EVC2: variants seen among roughly 807,000 people sequenced by gnomAD.
The protein encoded by EVC2 is limbin.
In EVC2, 148 loss-of-function variants were observed where a neutral mutation model predicts 149.3. That is an observed-to-expected ratio of 0.99 (90% CI 0.87 to 1.14). The LOEUF (loss-of-function observed/expected upper bound fraction) is 1.14, where lower values mean the gene tolerates loss of function less well. EVC2 is among the 50% of genes most tolerant of loss of function. EVC2 has a pLI of 0.00. For synonymous variants in EVC2, 776 were observed against 649.9 expected, an observed-to-expected ratio of 1.19 and a Z score of -2.95; for missense variants, 1,854 against 1,627.3, an observed-to-expected ratio of 1.14 and a Z score of -2.40.
rs1400085114 is a variant in EVC2, at chr4:5,690,407, T to TATG, written c.519+857_519+858insCAT. 1.0e-4 allele frequency among the ~76,000 whole-genome samples: 12 copies of TATG among 120,340 alleles called. No individual in the cohort carries two copies. In the East Asian group the frequency reaches 2.2e-3, roughly 22 times the overall value. The allele number at this position is 120,340 out of a possible 152,430, so 78.9% of individuals were successfully genotyped here. A position where few individuals can be genotyped will look rare whatever the true frequency, so the allele number is the denominator to read the frequency against. ...GCCTGATTACAGTGTGGGTTGTTGT[T>TATG]TTTTTTTTTTTTTTTAATATGCCTG... is the stretch of plus-strand genomic sequence containing the variant. On this transcript the variant is annotated intron_variant, in intron 4 of 21. Transcript: ENST00000344408.
intron 14 of EVC2, among the ~76,000 whole-genome samples, chr4:5,620,213 G>C (rs557273303): frequency 2.2e-4 from 33 of 152,284 alleles, no homozygotes; most frequent in African/African-American, 7.0e-4. Flanking sequence ...CTTCCCTTGT[G>C]CAAGGCCTTT....
intron 5 of EVC2, among the ~76,000 whole-genome samples, chr4:5,687,485 C>T (rs905045959): frequency 3.3e-5 from 5 of 151,926 alleles, no homozygotes; most frequent in Admixed American, 6.6e-5. Flanking sequence ...CATGAATTCA[C>T]GTGTGGAAAG....
chr4:5,604,288 T>G (rs1336722838), intron 16 of EVC2, among the ~76,000 whole-genome samples: 1 of 152,220 alleles, frequency 6.6e-6, no homozygotes, highest in Non-Finnish European at 1.5e-5. Flanking sequence ...CATATATTGA[T>G]ATCAAAAATC....
chr4:5,629,157 A>G (rs926936891), intron 11 of EVC2, among the ~76,000 whole-genome samples: 1 of 152,216 alleles, frequency 6.6e-6, no homozygotes, highest in Admixed American at 6.5e-5. Context: ...CAGAGGAGAC[A>G]AAACCAGGAT....
At chr4:5,647,583 T>C (rs1000675588) in intron 9 of EVC2, among the ~76,000 whole-genome samples, 1 of 152,286 alleles carries the variant, frequency 6.6e-6, no homozygotes, top group Non-Finnish European at 1.5e-5. Context: ...GCAGTGTGTG[T>C]ATGGCTAAAT....
At chr4:5,641,609 T>C (rs889739205) in intron 9 of EVC2, among the ~76,000 whole-genome samples, 1 of 152,206 alleles carries the variant, frequency 6.6e-6, no homozygotes. Flanking sequence ...GTGAATTTTA[T>C]GATATGTTAA....
chr4:5,676,852 T>A (rs564269818), intron 7 of EVC2, among the ~76,000 whole-genome samples: 30 of 152,278 alleles, frequency 2.0e-4, no homozygotes, highest in African/African-American at 6.5e-4. Context: ...TCGGTCTTTT[T>A]TTTTCATGTA....
chr4:5,705,631 C>A (rs967136129), intron 1 of EVC2, among the ~76,000 whole-genome samples: 1 of 151,720 alleles, frequency 6.6e-6, no homozygotes, highest in Non-Finnish European at 1.5e-5. Context: ...TTTTTGCAAA[C>A]CTCATCTATG....
At chr4:5,592,393 G>C (rs1036075945) in intron 16 of EVC2, among the ~76,000 whole-genome samples, 17 of 152,340 alleles carry the variant, frequency 1.1e-4, no homozygotes, top group African/African-American at 4.1e-4. Flanking sequence ...ACAACCTCCA[G>C]TGGCAAAAGA....
In EVC2 at chr4:5,670,793, CCAT is replaced by C. The variant is rs1449187329; in HGVS notation, c.871-5147_871-5145del. Among the ~76,000 whole-genome samples, 10 of 152,034 alleles carry C rather than the reference CCAT, an allele frequency of 6.6e-5. No homozygotes were observed. Among genetic ancestry groups the C allele is most frequent in the African/African-American group, 2.2e-4 (9 of 41,436 alleles). On this transcript the variant is annotated intron_variant, in intron 7 of 21. Transcript: ENST00000344408. The surrounding 1 kb of genome is among the most constrained non-coding windows in gnomAD (Gnocchi z 5.2). Reference sequence around the variant, plus strand: ...ATCAAATTCATTATCACCATCACCACCATGACCACCACCACCATTACCATAGCC... The same window carrying C: ...ATCAAATTCATTATCACCATCACCACGACCACCACCACCATTACCATAGCC...
At chr4:5,646,143 C>T (rs1717693555) in intron 9 of EVC2, among the ~76,000 whole-genome samples, 1 of 152,148 alleles carries the variant, frequency 6.6e-6, no homozygotes, top group African/African-American at 2.4e-5. Flanking sequence ...GTTGGTCAGG[C>T]TGGTCTCGAA....
At chr4:5,688,301 G>A (rs1720860224) in intron 5 of EVC2, among the ~76,000 whole-genome samples, 1 of 152,128 alleles carries the variant, frequency 6.6e-6, no homozygotes, top group African/African-American at 2.4e-5. Flanking sequence ...ACGGAGGCAT[G>A]GAGTCGGTAA....
chr4:5,573,654 G>A (rs1318680048), intron 19 of EVC2, among the ~76,000 whole-genome samples: 2 of 152,242 alleles, frequency 1.3e-5, no homozygotes, highest in African/African-American at 2.4e-5. Context: ...AGAACTTTAA[G>A]GTAAGTTTGT....
chr4:5,594,065 C>T (rs979431789), intron 16 of EVC2, among the ~76,000 whole-genome samples: 61 of 152,262 alleles, frequency 4.0e-4, no homozygotes, highest in African/African-American at 1.3e-3. Flanking sequence ...CAAAGCAGCC[C>T]GGAAGCTCAA....
At chr4:5,578,732 G>A (rs1711512616) in intron 17 of EVC2, among the ~76,000 whole-genome samples, 1 of 152,026 alleles carries the variant, frequency 6.6e-6, no homozygotes, top group African/African-American at 2.4e-5. Flanking sequence ...AATAGATTGG[G>A]GGATTCAGGG....
At chr4:5,605,040 T>C (rs1038898837) in intron 16 of EVC2, among the ~76,000 whole-genome samples, 1 of 152,162 alleles carries the variant, frequency 6.6e-6, no homozygotes, top group Non-Finnish European at 1.5e-5. Context: ...ACAGTAAATA[T>C]ACTTTCTCTT....
intron 2 of EVC2, among the ~76,000 whole-genome samples, chr4:5,695,467 G>A (rs1721415788): frequency 6.6e-6 from 1 of 152,220 alleles, no homozygotes; most frequent in Admixed American, 6.5e-5. Flanking sequence ...CACTTAAAAG[G>A]TCCGGGCTGG....
At chr4:5,558,962 G>A (rs1721890075), downstream of EVC2, among the ~76,000 whole-genome samples, 1 of 152,134 alleles carries the variant, frequency 6.6e-6, no homozygotes, top group African/African-American at 2.4e-5. Flanking sequence ...CAAGACCAAG[G>A]CGGGAGGATC....
chr4:5,635,172 G>A (rs1363064685), intron 10 of EVC2, among the ~76,000 whole-genome samples: 3 of 151,660 alleles, frequency 2.0e-5, no homozygotes, highest in African/African-American at 7.3e-5. Context: ...AAGCGGCTGG[G>A]ATTACAGGTG....
Sources: gnomAD v4.1 joint callset for allele counts (sites outside exome capture counted in the v4.1 genomes callset) on GRCh38, gnomAD v4.1.1 for gene constraint, Gnocchi (gnomAD v3.1) non-coding constraint, MANE v1.5 for transcripts, NCBI Gene and HGNC (gene_info 2026-07-23, HGNC 2026-07-21) for gene names.